The following ZNF804B variants were observed in gnomAD, a reference collection of about 807,000 sequenced individuals.
ZNF804B encodes the protein zinc finger protein 804B.
Under a neutral mutation model 101.4 loss-of-function variants are expected in ZNF804B, and 80 were observed. The observed-to-expected ratio is 0.79, with a 90% CI of 0.66 to 0.95. ZNF804B has a LOEUF of 0.95. ZNF804B is among the 40% of genes least tolerant of loss of function. ZNF804B has a pLI of 0.00. For synonymous variants in ZNF804B, 622 were observed against 558.8 expected (o/e 1.11, Z -1.59); for missense variants, 1,673 against 1,561.9 (o/e 1.07, Z -1.20).
At chr7:89,055,085 AAGT>A (rs1789270389) in intron 1 of ZNF804B, among the ~76,000 whole-genome samples, 1 of 152,088 alleles carries the variant, frequency 6.6e-6, no homozygotes, top group Admixed American at 6.6e-5. Flanking sequence ...AAGTGATGTT[AAGT>A]GTTGACTTAG....
chr7:89,304,377 C>CTATTT (rs1458273435), intron 2 of ZNF804B, among the ~76,000 whole-genome samples: 4 of 151,910 alleles, frequency 2.6e-5, no homozygotes, highest in Non-Finnish European at 4.4e-5. Context: ...TTTCTCTCCC[C>CTATTT]TATTTCAATA....
At chr7:88,861,163 C>G (rs1185937689) in intron 1 of ZNF804B, among the ~76,000 whole-genome samples, 1 of 152,076 alleles carries the variant, frequency 6.6e-6, no homozygotes, top group Non-Finnish European at 1.5e-5. Context: ...AGACACGGTC[C>G]TTGTCGTTAT....
chr7:88,794,785 A>G (rs1790450532), intron 1 of ZNF804B: 5 of 1,613,754 alleles, frequency 3.1e-6, no homozygotes, highest in Non-Finnish European at 4.2e-6. Flanking sequence ...TATCTTGGCC[A>G]CTAGAAACAT....
At chr7:88,897,704 G>A (rs1194228658) in intron 1 of ZNF804B, among the ~76,000 whole-genome samples, 2 of 152,112 alleles carry the variant, frequency 1.3e-5, no homozygotes, top group Non-Finnish European at 2.9e-5. Flanking sequence ...GAGTGGCAAA[G>A]CTGAGATTTA....
At chr7:89,007,049 GTCTTACCTGGTCCC>G (rs1460456943) in intron 1 of ZNF804B, among the ~76,000 whole-genome samples, 1 of 152,056 alleles carries the variant, frequency 6.6e-6, no homozygotes, top group Non-Finnish European at 1.5e-5. Flanking sequence ...TGCAGCAGCT[GTCTTACCTGGTCCC>G]TCTTTCTGAT....
intron 1 of ZNF804B, among the ~76,000 whole-genome samples, chr7:88,897,095 A>C (rs1188148335): frequency 6.6e-6 from 1 of 152,198 alleles, no homozygotes; most frequent in Admixed American, 6.5e-5. Context: ...CGATAGACTG[A>C]CTGATGCCAC....
At chr7:89,272,122 C>T (rs1789907923) in intron 2 of ZNF804B, among the ~76,000 whole-genome samples, 1 of 151,964 alleles carries the variant, frequency 6.6e-6, no homozygotes, top group Non-Finnish European at 1.5e-5. Flanking sequence ...GAGAAATTTG[C>T]CATTCTCCCA....
chr7:89,279,718 G>T (rs1562935444), intron 2 of ZNF804B, among the ~76,000 whole-genome samples: 3 of 151,998 alleles, frequency 2.0e-5, no homozygotes, highest in Non-Finnish European at 4.4e-5. Context: ...GATCATGGTG[G>T]GTAAGCTTTT....
intron 1 of ZNF804B, among the ~76,000 whole-genome samples, chr7:88,776,569 T>TTG (rs1283991848): frequency 7.1e-6 from 1 of 140,976 alleles, no homozygotes. Flanking sequence ...TGTTTTTTTT[T>TTG]TTTTTTTTTT....
At chr7:89,299,321 G>A (rs1379332735) in intron 2 of ZNF804B, among the ~76,000 whole-genome samples, 1 of 151,970 alleles carries the variant, frequency 6.6e-6, no homozygotes, top group African/African-American at 2.4e-5. Context: ...CCAAATGTCA[G>A]TTATCTGTAA....
chr7:89,329,283 T>C (rs897831425), intron 3 of ZNF804B, among the ~76,000 whole-genome samples: 1 of 151,798 alleles, frequency 6.6e-6, no homozygotes, highest in African/African-American at 2.4e-5. Flanking sequence ...TATCGTCTAC[T>C]GCCCATCACC....
intron 2 of ZNF804B, among the ~76,000 whole-genome samples, chr7:89,261,397 T>C (rs1262587144): frequency 2.6e-5 from 4 of 152,160 alleles, no homozygotes; most frequent in African/African-American, 9.6e-5. Flanking sequence ...TATATATTTG[T>C]CTTCAAGTTT....
At chr7:89,215,114 G>A (rs1368540030) in intron 1 of ZNF804B, among the ~76,000 whole-genome samples, 1 of 152,144 alleles carries the variant, frequency 6.6e-6, no homozygotes, top group Admixed American at 6.5e-5. Flanking sequence ...GCCAGAATAT[G>A]CCCTGGAGAT....
intron 1 of ZNF804B, among the ~76,000 whole-genome samples, chr7:88,834,258 A>G (rs1178623019): frequency 6.6e-6 from 1 of 151,878 alleles, no homozygotes; most frequent in African/African-American, 2.4e-5. Context: ...AATGACATGA[A>G]GGAATGTAGG....
At chr7:88,935,173 A>G (rs1329940151) in intron 1 of ZNF804B, among the ~76,000 whole-genome samples, 1 of 151,838 alleles carries the variant, frequency 6.6e-6, no homozygotes, top group Non-Finnish European at 1.5e-5. Context: ...GGAGTAATTC[A>G]GAAATGGAAA....
intron 1 of ZNF804B, among the ~76,000 whole-genome samples, chr7:89,121,066 G>A (rs1364213203): frequency 6.6e-6 from 1 of 152,174 alleles, no homozygotes; most frequent in African/African-American, 2.4e-5. Flanking sequence ...GAAATCCAGA[G>A]AGGTTAACGA....
chr7:89,004,780 T>C (rs1788347944), intron 1 of ZNF804B, among the ~76,000 whole-genome samples: 1 of 151,930 alleles, frequency 6.6e-6, no homozygotes, highest in African/African-American at 2.4e-5. Context: ...AAAAGGAAGC[T>C]CATGGAAAGA....
intron 1 of ZNF804B, among the ~76,000 whole-genome samples, chr7:89,198,937 A>T (rs918743822): frequency 6.6e-6 from 1 of 151,918 alleles, no homozygotes; most frequent in African/African-American, 2.4e-5. Context: ...CAAGTAACTT[A>T]TCGGGAATAT....
chr7:89,281,949 T>C (rs1302978789), intron 2 of ZNF804B, among the ~76,000 whole-genome samples: 4 of 152,172 alleles, frequency 2.6e-5, no homozygotes, highest in African/African-American at 7.2e-5. Flanking sequence ...CCTAAAACAA[T>C]GTAACCTTTT....
Sources: allele counts gnomAD v4.1 joint callset (sites outside exome capture counted in the v4.1 genomes callset), GRCh38; gene constraint gnomAD v4.1.1; transcripts MANE v1.5; gene names NCBI Gene and HGNC (gene_info 2026-07-23, HGNC 2026-07-21).